ADAMTS20: variants seen among roughly 807,000 people sequenced by gnomAD.
The protein encoded by ADAMTS20 is A disintegrin and metalloproteinase with thrombospondin motifs 20.
A neutral mutation model predicts 260.1 loss-of-function variants in ADAMTS20; 225 were observed. That is an observed-to-expected ratio of 0.87 (90% CI 0.78 to 0.97). The LOEUF (loss-of-function observed/expected upper bound fraction) is 0.97, where lower values mean the gene tolerates loss of function less well. Among genes scored for constraint, ADAMTS20 ranks in the 50% least tolerant of loss-of-function variants. The pLI is 0.00. For synonymous variants in ADAMTS20, 802 were observed against 769.5 expected (o/e 1.04, Z -0.70); for missense variants, 2,400 against 2,337.7 (o/e 1.03, Z -0.55).
chr12:43,528,392 T>C (rs939064582), intron 3 of ADAMTS20, among the ~76,000 whole-genome samples: 25 of 61,544 alleles, frequency 4.1e-4, no homozygotes, highest in Admixed American at 1.2e-3. Context: ...CCGGAAGCAA[T>C]ATATACCCAA....
intron 11 of ADAMTS20, among the ~76,000 whole-genome samples, chr12:43,461,588 C>G (rs1463470943): frequency 6.6e-6 from 1 of 152,078 alleles, no homozygotes; most frequent in Non-Finnish European, 1.5e-5. Context: ...TGCTAAGGAA[C>G]AGAGGAAGGT....
chr12:43,522,035 C>T (rs1487069925), intron 3 of ADAMTS20, among the ~76,000 whole-genome samples: 2 of 152,080 alleles, frequency 1.3e-5, no homozygotes, highest in East Asian at 1.9e-4. Flanking sequence ...CATCTTAATA[C>T]CCAGCTGTAT....
intron 28 of ADAMTS20, among the ~76,000 whole-genome samples, chr12:43,401,741 C>CT (rs5797861): frequency 0.43 from 62,604 of 147,264 alleles, 14,302 homozygotes; most frequent in East Asian, 0.88. Context: ...TATTTTTATG[C>CT]TTTTTTTTTT....
At chr12:43,385,285 C>T (rs1373512409) in intron 29 of ADAMTS20, among the ~76,000 whole-genome samples, 1 of 152,158 alleles carries the variant, frequency 6.6e-6, no homozygotes, top group East Asian at 1.9e-4. Flanking sequence ...ATATCCTTCA[C>T]CACTTTTTAA....
chr12:43,521,704 A>AT (rs1002290008), intron 3 of ADAMTS20, among the ~76,000 whole-genome samples: 6 of 151,722 alleles, frequency 4.0e-5, no homozygotes, highest in East Asian at 1.9e-4. Flanking sequence ...TCTGCTTTAA[A>AT]TTTTTTTTTG....
chr12:43,484,731 G>C (rs560926879), intron 7 of ADAMTS20, among the ~76,000 whole-genome samples: 1 of 152,216 alleles, frequency 6.6e-6, no homozygotes, highest in South Asian at 2.1e-4. Context: ...GTGTTCCTAA[G>C]AGAGAAGAAA....
At position 43,446,531 on chromosome 12, in the gene ADAMTS20, T is replaced by C. The variant is rs140269104; in HGVS notation, c.2197+64A>G. On this transcript the variant is annotated intron_variant, in intron 15 of 38. Coordinates refer to ENST00000389420, the MANE Select transcript of ADAMTS20 (RefSeq NM_025003.5). The stretch of plus-strand genomic sequence containing the variant: ...AGTAACAAAGAATTACTGTTACACC[T>C]TCTTTACAGACTCCATTATTATACT... The C allele has an allele frequency of 1.2e-4, 146 of 1,237,934 alleles. 1 individual carries two copies. The African/African-American group carries it at 2.0e-3, about 17-fold the overall frequency. The allele number at this position is 1,237,934 out of a possible 1,614,324, so 76.7% of individuals were successfully genotyped here.
intron 7 of ADAMTS20, among the ~76,000 whole-genome samples, chr12:43,480,339 G>A (rs912946063): frequency 6.6e-6 from 1 of 152,106 alleles, no homozygotes; most frequent in East Asian, 1.9e-4. Flanking sequence ...AGAAGGAAGA[G>A]TCTTGTTCAA....
chr12:43,418,285 C>T (rs952242268), intron 28 of ADAMTS20, among the ~76,000 whole-genome samples: 2 of 152,104 alleles, frequency 1.3e-5, no homozygotes, highest in South Asian at 2.1e-4. Context: ...TGTTTGGAAA[C>T]GTTTCTCCTG....
At chr12:43,474,060 T>G (rs1942309398) in intron 7 of ADAMTS20, among the ~76,000 whole-genome samples, 1 of 151,894 alleles carries the variant, frequency 6.6e-6, no homozygotes, top group South Asian at 2.1e-4. Flanking sequence ...GCTGGTTTTT[T>G]GAAAGGATCA....
intron 3 of ADAMTS20, among the ~76,000 whole-genome samples, chr12:43,505,381 T>C (rs1190932213): frequency 1.3e-5 from 2 of 152,140 alleles, no homozygotes; most frequent in Admixed American, 6.5e-5. Flanking sequence ...ATTTACAAAC[T>C]ATATATCTGA....
chr12:43,381,452 T>C (rs764497572), intron 31 of ADAMTS20, among the ~76,000 whole-genome samples: 2 of 151,844 alleles, frequency 1.3e-5, no homozygotes, highest in Non-Finnish European at 2.9e-5. Flanking sequence ...TAAAAGTTGG[T>C]ACCCAGAATA....
chr12:43,469,833 G>A (rs1942220534), intron 7 of ADAMTS20, among the ~76,000 whole-genome samples: 1 of 152,140 alleles, frequency 6.6e-6, no homozygotes, highest in African/African-American at 2.4e-5. Flanking sequence ...TGTGCTTTAA[G>A]AGAAATGGAA....
chr12:43,485,834 T>TA (rs1161146976), intron 7 of ADAMTS20, among the ~76,000 whole-genome samples: 1 of 151,422 alleles, frequency 6.6e-6, no homozygotes, highest in East Asian at 1.9e-4. Context: ...CTGCAAAAAA[T>TA]AAAATAAAAT....
At position 43,493,200 on chromosome 12, in the gene ADAMTS20, C is replaced by T; in HGVS notation, c.921G>A (p.Val307=). The change falls in exon 5 of 39, where the codon GTG becomes GTA. Residue 307 remains valine (V), a synonymous_variant. Coordinates refer to ENST00000389420, the MANE Select transcript of ADAMTS20 (RefSeq NM_025003.5). ...PSIGNLIHIV[V]VKLVMIHREE... is the part of the protein sequence containing the mutation. ...CACGGTGAATCATAACTAATTTTACCACTACTATGTGTATCAAATTTCCAA... is the reference window on the plus strand; with the variant it reads ...CACGGTGAATCATAACTAATTTTACTACTACTATGTGTATCAAATTTCCAA... 2 of 1,562,776 alleles carry T rather than the reference C, an allele frequency of 1.3e-6. No individual in the cohort carries two copies. Among genetic ancestry groups the T allele is most frequent in the Non-Finnish European group, 1.7e-6 (2 of 1,152,430 alleles).
In ADAMTS20 at chr12:43,552,022, C is replaced by A. The variant is rs2137539703; in HGVS notation, c.-101G>T. 1 of 991,348 alleles carries A rather than the reference C, an allele frequency of 1.0e-6. No homozygotes were observed. The allele number at this position is 991,348 out of a possible 1,614,324, so 61.4% of individuals were successfully genotyped here. On this transcript the variant is annotated 5_prime_UTR_variant, in exon 1 of 39. Transcript: ENST00000389420. ...GATCCCTCTCCTCCCTCTCGCCCGC[C>A]GCTCTCCGCGCCTCAGCAGCCTAGG...
At chr12:43,380,756 A>C (rs1483849683) in intron 31 of ADAMTS20, among the ~76,000 whole-genome samples, 1 of 152,190 alleles carries the variant, frequency 6.6e-6, no homozygotes, top group Non-Finnish European at 1.5e-5. Flanking sequence ...AAATTAATGG[A>C]AATTCATTCC....
chr12:43,518,631 C>T (rs536041006), intron 3 of ADAMTS20, among the ~76,000 whole-genome samples: 10 of 152,024 alleles, frequency 6.6e-5, no homozygotes, highest in African/African-American at 2.4e-4. Context: ...TATCTCAAGC[C>T]TAAACCCCTC....
chr12:43,472,173 G>A (rs991972407), intron 7 of ADAMTS20, among the ~76,000 whole-genome samples: 1 of 146,470 alleles, frequency 6.8e-6, no homozygotes, highest in Non-Finnish European at 1.5e-5. Context: ...CAAGGCTCGA[G>A]AACTACGTGA....
Sources: gnomAD v4.1 joint callset for allele counts (sites outside exome capture counted in the v4.1 genomes callset) on GRCh38, gnomAD v4.1.1 for gene constraint, MANE v1.5 for transcripts, NCBI Gene and HGNC (gene_info 2026-07-23, HGNC 2026-07-21) for gene names.